Variants in ZBTB20 observed in about 807,000 individuals in gnomAD.
ZBTB20 encodes zinc finger and BTB domain containing 20, also known as zinc finger and BTB domain-containing protein 20.
In ZBTB20, 9 loss-of-function variants were observed where a neutral mutation model predicts 56.9. The observed-to-expected ratio is 0.16, with a 90% CI of 0.10 to 0.28. The LOEUF is 0.28. ZBTB20 is among the 10% of genes least tolerant of loss of function. The pLI, the probability that ZBTB20 is intolerant of heterozygous loss-of-function variation, is 1.00. For missense variants in ZBTB20, 655 were observed against 1,003.0 expected, an observed-to-expected ratio of 0.65 and a Z score of 4.69; for synonymous variants, 417 against 420.7, an observed-to-expected ratio of 0.99 and a Z score of 0.11.
chr3:114,337,982 C>T lies in ZBTB20; in HGVS notation c.*1023G>A, dbSNP rs1005815139. ...TCAGCATTCTATCTGGTAAACGTCA[C>T]TTTTGCCCCTCTATAAAATTTTGAA... On this transcript the variant is annotated 3_prime_UTR_variant, in exon 12 of 12. Transcript: ENST00000675478. 1.3e-5 allele frequency: 2 copies of T among 151,372 alleles called. No homozygotes were observed. The highest frequency in any genetic ancestry group is 2.9e-5 in the Non-Finnish European group (2 of 67,922). The allele number at this position is 151,372 out of a possible 1,614,324, so 9.4% of individuals were successfully genotyped here. A position where few individuals can be genotyped will look rare whatever the true frequency, so the allele number is the denominator to read the frequency against.
intron 2 of ZBTB20, among the ~76,000 whole-genome samples, chr3:114,989,138 G>A (rs915785337): frequency 2.2e-4 from 33 of 152,140 alleles, no homozygotes; most frequent in Non-Finnish European, 4.1e-4. Context: ...GGCTTTTGTT[G>A]CCATTGCTTT....
At chr3:115,122,192 C>CA (rs1188636305) in intron 1 of ZBTB20, among the ~76,000 whole-genome samples, 1 of 151,896 alleles carries the variant, frequency 6.6e-6, no homozygotes, top group Non-Finnish European at 1.5e-5. Flanking sequence ...TGTCATGAAA[C>CA]AAAGGGGAAA....
chr3:114,370,356 T>C (rs1462218857), intron 10 of ZBTB20, among the ~76,000 whole-genome samples: 1 of 152,198 alleles, frequency 6.6e-6, no homozygotes, highest in Non-Finnish European at 1.5e-5. Flanking sequence ...CCCCTCTTTA[T>C]GGTCTTTTTT....
intron 6 of ZBTB20, among the ~76,000 whole-genome samples, chr3:114,531,516 T>C (rs1299253657): frequency 3.9e-5 from 6 of 152,206 alleles, no homozygotes; most frequent in South Asian, 4.1e-4. Context: ...AGTTCCATTA[T>C]CAGCCTGAAG....
chr3:114,566,009 T>C lies in ZBTB20; in HGVS notation c.-294-65618A>G, dbSNP rs902517198. ...CAACAATACATACATTTTTTCTTTT[T>C]TTTTCTTTTTTTAAAAGAAACCAAT... On this transcript the variant is annotated intron_variant, in intron 6 of 11. Transcript: ENST00000675478. 1.5e-4 allele frequency among the ~76,000 whole-genome samples: 22 copies of C among 147,308 alleles called. No homozygotes were observed. In the South Asian group the frequency reaches 4.1e-3, roughly 27 times the overall value.
chr3:114,569,850 T>G (rs1210856172), intron 6 of ZBTB20, among the ~76,000 whole-genome samples: 1 of 152,184 alleles, frequency 6.6e-6, no homozygotes, highest in Non-Finnish European at 1.5e-5. Context: ...CAGATGATTT[T>G]ATTATTCTTG....
At position 114,332,969 on chromosome 3, in the gene ZBTB20, C is replaced by G. The variant is rs1025604201; in HGVS notation, c.*6036G>C. The G allele has an allele frequency of 2.6e-5, 4 of 152,198 alleles. No homozygotes were observed. Among genetic ancestry groups the G allele is most frequent in the African/African-American group, 9.7e-5 (4 of 41,440 alleles). 9.4% of individuals were successfully genotyped at this position (152,198 alleles called of 1,614,324 possible). A position where few individuals can be genotyped will look rare whatever the true frequency, so the allele number is the denominator to read the frequency against. On this transcript the variant is annotated 3_prime_UTR_variant, in exon 12 of 12. Transcript: ENST00000675478. ...ACCCACACTAGGTAGCCCTAATTTT[C>G]TATCTCTTCACTCTAAAAAGGATGG... is the stretch of plus-strand genomic sequence containing the variant.
chr3:114,764,664 G>A (rs571520345), intron 5 of ZBTB20, among the ~76,000 whole-genome samples: 1 of 152,272 alleles, frequency 6.6e-6, no homozygotes, highest in African/African-American at 2.4e-5. Context: ...CTATATCAGT[G>A]AGCAAAATCT....
intron 3 of ZBTB20, among the ~76,000 whole-genome samples, chr3:114,908,427 G>A (rs886548840): frequency 6.6e-6 from 1 of 151,966 alleles, no homozygotes; most frequent in African/African-American, 2.4e-5. Flanking sequence ...GAGAAATTTA[G>A]GGGTACAAAT....
intron 7 of ZBTB20, among the ~76,000 whole-genome samples, chr3:114,457,721 G>A (rs1247656064): frequency 6.6e-6 from 1 of 152,060 alleles, no homozygotes; most frequent in Non-Finnish European, 1.5e-5. Context: ...TATGAATGAG[G>A]TACTACCAAT....
At position 114,607,597 on chromosome 3, in the gene ZBTB20, C is replaced by A. The variant is rs142455148; in HGVS notation, c.-295+85931G>T. Among the ~76,000 whole-genome samples, 16 of 152,252 alleles carry A rather than the reference C, an allele frequency of 1.1e-4. No individual in the cohort carries two copies. In the East Asian group the frequency reaches 3.1e-3, roughly 29 times the overall value. ...GGATTACAGGTGTGAGCCATCACGC[C>A]CAGCCTCATTCTCTTACTCTTTTAA... On this transcript the variant is annotated intron_variant, in intron 6 of 11. Coordinates refer to ENST00000675478, the MANE Select transcript of ZBTB20 (RefSeq NM_001348800.3).
chr3:114,766,139 TGAG>T (rs2068768981), intron 5 of ZBTB20, among the ~76,000 whole-genome samples: 1 of 152,056 alleles, frequency 6.6e-6, no homozygotes, highest in Non-Finnish European at 1.5e-5. Flanking sequence ...TTCATCCAGA[TGAG>T]AAGTTAAAGA....
chr3:114,745,074 C>A (rs952170157), intron 5 of ZBTB20, among the ~76,000 whole-genome samples: 26 of 152,124 alleles, frequency 1.7e-4, no homozygotes, highest in Non-Finnish European at 1.9e-4. Context: ...TTAAGACATA[C>A]AGTAATATAC....
At chr3:114,630,299 C>T (rs1463270485) in intron 6 of ZBTB20, among the ~76,000 whole-genome samples, 2 of 152,170 alleles carry the variant, frequency 1.3e-5, no homozygotes, top group East Asian at 3.9e-4. Flanking sequence ...GGACCAGGAT[C>T]CAGACCTTGT....
At chr3:114,435,427 G>T (rs1559786105) in intron 7 of ZBTB20, among the ~76,000 whole-genome samples, 1 of 152,090 alleles carries the variant, frequency 6.6e-6, no homozygotes, top group Non-Finnish European at 1.5e-5. Flanking sequence ...AGAATCCTAA[G>T]GTTCAGAGAA....
chr3:114,605,898 G>C (rs1472476441), intron 6 of ZBTB20, among the ~76,000 whole-genome samples: 1 of 152,162 alleles, frequency 6.6e-6, no homozygotes. Context: ...CCAGACAGAG[G>C]ATAGAGTGAT....
chr3:114,323,269 A>G lies in ZBTB20; in HGVS notation c.*15736T>C, dbSNP rs1299820353. ...GTCTTCTGCTTAGTAAGGATAGTCT[A>G]TGATGGAGCAGCTAGTATGTTCTAA... On this transcript the variant is annotated 3_prime_UTR_variant, in exon 12 of 12. Transcript: ENST00000675478. 1 of 152,250 alleles carries G rather than the reference A, an allele frequency of 6.6e-6. No individual in the cohort carries two copies. Among genetic ancestry groups the G allele is most frequent in the Non-Finnish European group, 1.5e-5 (1 of 68,038 alleles). The allele number at this position is 152,250 out of a possible 1,614,324, so 9.4% of individuals were successfully genotyped here. A position where few individuals can be genotyped will look rare whatever the true frequency, so the allele number is the denominator to read the frequency against.
chr3:114,970,798 G>A (rs2077845566), intron 3 of ZBTB20, among the ~76,000 whole-genome samples: 2 of 152,130 alleles, frequency 1.3e-5, no homozygotes, highest in African/African-American at 2.4e-5. Flanking sequence ...GGCAGATCAC[G>A]AGGTCAGCAG....
rs993560487 is a variant in ZBTB20, at chr3:114,475,646, C to T, written c.-255+24706G>A. ...AATAGCTAAAGAAGAAAAATAAAAA[C>T]TACGAAAAGAAGGCATGAGAACTAA... On this transcript the variant is annotated intron_variant, in intron 7 of 11. Coordinates refer to ENST00000675478, the MANE Select transcript of ZBTB20 (RefSeq NM_001348800.3). Among the ~76,000 whole-genome samples, 7 of 151,992 alleles carry T rather than the reference C, an allele frequency of 4.6e-5. 1 individual carries two copies. Among genetic ancestry groups the T allele is most frequent in the Non-Finnish European group, 8.8e-5 (6 of 67,984 alleles).
Sources: gnomAD v4.1 joint callset for allele counts (sites outside exome capture counted in the v4.1 genomes callset) on GRCh38, gnomAD v4.1.1 for gene constraint, MANE v1.5 for transcripts, NCBI Gene and HGNC (gene_info 2026-07-23, HGNC 2026-07-21) for gene names.